The following RNF123 variants were observed in gnomAD, a reference collection of about 807,000 sequenced individuals.
The protein encoded by RNF123 is ring finger protein 123.
RNF123 carries 86 observed loss-of-function variants against 168.5 expected under a neutral mutation model. That is an observed-to-expected ratio of 0.51 (90% CI 0.43 to 0.61). The LOEUF is 0.61. Ranked by LOEUF, RNF123 falls within the 20% of genes least tolerant of loss-of-function variation. RNF123 has a pLI of 0.00. For missense variants in RNF123, 1,419 were observed against 1,729.7 expected (o/e 0.82, Z 3.19); for synonymous variants, 666 against 689.1 (o/e 0.97, Z 0.52).
In RNF123 at chr3:49,706,850, C is replaced by T. The variant is rs987819500; in HGVS notation, c.2448C>T (p.Asp816=). ...AGAAGGTTTTCTCAGAAAAGCTGGA[C>T]CACCTGAGCCGCCGTCTTGCCTGGG... ...KSQKVFSEKL[D]HLSRRLAWVH... Residue 816 remains aspartate (D), a synonymous_variant, in exon 26 of 39, where the codon GAC becomes GAT. Transcript: ENST00000327697. 2.5e-6 allele frequency: 4 copies of T among 1,614,184 alleles called. No individual in the cohort carries two copies. In the South Asian group the frequency reaches 4.4e-5, roughly 18 times the overall value.
Position 49,713,904 on chromosome 3 carries a change from TCA to T in RNF123, c.2838-3_2838-2del. 2 of 1,613,604 alleles carry T rather than the reference TCA, an allele frequency of 1.2e-6. No individual in the cohort carries two copies. The highest frequency in any genetic ancestry group is 1.7e-6 in the Non-Finnish European group (2 of 1,179,778). On this transcript the variant is annotated splice_region_variant and splice_polypyrimidine_tract_variant and intron_variant, in intron 29 of 38. Coordinates refer to ENST00000327697, the MANE Select transcript of RNF123 (RefSeq NM_022064.5). Reference sequence around the variant, plus strand: ...CACCCCGTCTCTCCCCTCCTTGCCCTCACAGGCGTATCGCCATGGTGAGGAAC... The same window carrying T: ...CACCCCGTCTCTCCCCTCCTTGCCCTCAGGCGTATCGCCATGGTGAGGAAC...
intron 27 of RNF123, chr3:49,713,241 G>A (rs554448794): frequency 3.4e-6 from 2 of 590,954 alleles, no homozygotes; most frequent in South Asian, 4.0e-5. Context: ...AAGGAGCTTT[G>A]ACTGCTCATC....
Position 49,697,427 on chromosome 3 carries a change from G to C in RNF123, c.312G>C (p.Gly104=), listed in dbSNP as rs145265101. Residue 104 remains glycine, a synonymous_variant, in exon 5 of 39, where the codon GGG becomes GGC. Coordinates refer to ENST00000327697, the MANE Select transcript of RNF123 (RefSeq NM_022064.5). ...TGGACCACACAGGCGGCTTTGAGGG[G>C]CTTCTCCTGGTGGATGATGACCTGC... The part of the protein sequence containing the change: ...VVLDHTGGFE[G]LLLVDDDLLG... The C allele has an allele frequency of 1.4e-3, 2,326 of 1,610,304 alleles. 2 individuals carry two copies. Among genetic ancestry groups the C allele is most frequent in the Non-Finnish European group, 1.7e-3 (2,024 of 1,177,980 alleles).
chr3:49,715,377 A>T, intron 31 of RNF123, 198 bp from the exon 32 acceptor site: 1 of 638,644 alleles, frequency 1.6e-6, no homozygotes, highest in Non-Finnish European at 2.7e-6. Context: ...GGGCTTGCCT[A>T]GTAGAAGGAG....
Position 49,721,458 on chromosome 3 carries a change from C to A in RNF123, c.*153C>A. 9.4e-7 allele frequency: 1 copy of A among 1,067,180 alleles called. No individual in the cohort carries two copies. The highest frequency in any genetic ancestry group is 1.5e-6 in the Non-Finnish European group (1 of 687,328). 66.1% of individuals were successfully genotyped at this position (1,067,180 alleles called of 1,614,324 possible). The stretch of plus-strand genomic sequence containing the variant: ...GTATCCTCATTGGTGGGAGCCCAGC[C>A]ATGGCCCTAATTGTGCCTGAGCTTG... On this transcript the variant is annotated 3_prime_UTR_variant, in exon 39 of 39. Transcript: ENST00000327697.
At chr3:49,716,033 G>A (rs765312452) in intron 33 of RNF123, 23 bp downstream of exon 33, 1 of 1,613,752 alleles carries the variant, frequency 6.2e-7, no homozygotes, top group Non-Finnish European at 8.5e-7. Context: ...GGGCAACAAG[G>A]GTGGGACCCT....
rs74956716 is a variant in RNF123 at position 49,698,374 on chromosome 3, G to T, written c.484-66G>T. The T allele has an allele frequency of 2.9e-3, 3,942 of 1,349,992 alleles. 70 individuals are homozygous for T. The African/African-American group carries it at 0.039, about 13-fold the overall frequency. The allele number at this position is 1,349,992 out of a possible 1,614,324, so 83.6% of individuals were successfully genotyped here. Reference sequence around the variant, plus strand: ...AGAGCCATATGCATCCAAGGCTGGTGATTGGTGGGCTCTGGCCCAGACCCT... The same window carrying T: ...AGAGCCATATGCATCCAAGGCTGGTTATTGGTGGGCTCTGGCCCAGACCCT... On this transcript the variant is annotated intron_variant, in intron 7 of 38. Coordinates refer to ENST00000327697, the MANE Select transcript of RNF123 (RefSeq NM_022064.5).
chr3:49,714,904 C>A (rs2080209908), intron 31 of RNF123, among the ~76,000 whole-genome samples: 1 of 152,260 alleles, frequency 6.6e-6, no homozygotes, highest in Admixed American at 6.5e-5. Flanking sequence ...TCTGCTAAGT[C>A]ACACAGCAAG....
chr3:49,718,129 C>T (rs2080286488), intron 35 of RNF123: 3 of 1,613,358 alleles, frequency 1.9e-6, no homozygotes, highest in Non-Finnish European at 2.5e-6. Flanking sequence ...GCTGGCCTTG[C>T]GGCTGGGTGC....
chr3:49,706,331 C>T (rs1425847597), intron 25 of RNF123, among the ~76,000 whole-genome samples: 1 of 152,242 alleles, frequency 6.6e-6, no homozygotes, highest in East Asian at 1.9e-4. Context: ...CTGAGTGCTT[C>T]CTCGGCCACT....
At chr3:49,692,579 C>A (rs1456396389) in intron 3 of RNF123, among the ~76,000 whole-genome samples, 1 of 152,164 alleles carries the variant, frequency 6.6e-6, no homozygotes, top group Non-Finnish European at 1.5e-5. Context: ...CTCATTAATT[C>A]AATTTTTTTG....
intron 12 of RNF123, 60 bp from the exon 13 acceptor site, chr3:49,700,167 C>T (rs953080746): frequency 2.5e-6 from 4 of 1,603,678 alleles, no homozygotes; most frequent in African/African-American, 1.3e-5. Context: ...TGTGCCAGGG[C>T]AGGGGTGCCT....
intron 35 of RNF123, chr3:49,718,689 G>T (rs574149365): frequency 6.2e-7 from 1 of 1,612,982 alleles, no homozygotes; most frequent in African/African-American, 1.3e-5. Flanking sequence ...AGCGCACGCG[G>T]GACGCGGGTA....
At chr3:49,694,661 CTG>C (rs1442887410) in intron 3 of RNF123, among the ~76,000 whole-genome samples, 3 of 152,226 alleles carry the variant, frequency 2.0e-5, no homozygotes, top group African/African-American at 7.2e-5. Context: ...CTTAGCTGTT[CTG>C]TCTTTTACGA....
rs948237704 is a variant in RNF123, at chr3:49,719,590, T to C, written c.3501-921T>C. On this transcript the variant is annotated intron_variant, in intron 35 of 38. Coordinates refer to ENST00000327697, the MANE Select transcript of RNF123 (RefSeq NM_022064.5). ...GCCCTTGCCGAGGAGGCACGGCGGG[T>C]TCTTGCCAGCCGACGGCCCCTACTC... 102 of 832,556 alleles carry C rather than the reference T, an allele frequency of 1.2e-4. 3 individuals are homozygous for C. Among genetic ancestry groups the C allele is most frequent in the Non-Finnish European group, 1.7e-4 (93 of 534,398 alleles). 51.6% of individuals were successfully genotyped at this position (832,556 alleles called of 1,614,324 possible).
intron 8 of RNF123, 24 bp from the exon 9 acceptor site, chr3:49,698,731 T>A: frequency 6.2e-7 from 1 of 1,610,654 alleles, no homozygotes; most frequent in Non-Finnish European, 8.5e-7. Context: ...TCTGTGCATC[T>A]GGTGAGGCCT....
chr3:49,698,664 T>A, intron 8 of RNF123, 91 bp from the exon 9 acceptor site: 1 of 1,547,168 alleles, frequency 6.5e-7, no homozygotes, highest in South Asian at 1.1e-5. Flanking sequence ...GTGGCTAGTC[T>A]CCCTTGGGTG....
intron 26 of RNF123, among the ~76,000 whole-genome samples, chr3:49,712,112 C>T (rs538464881): frequency 1.3e-5 from 2 of 152,134 alleles, no homozygotes; most frequent in South Asian, 4.2e-4. Flanking sequence ...GTAGTCCCAG[C>T]TACTCGGGAG....
At chr3:49,713,169 C>T (rs2080176191) in intron 27 of RNF123, 1 of 591,278 alleles carries the variant, frequency 1.7e-6, no homozygotes. Flanking sequence ...CCTAGCCTGC[C>T]CCCTGCCCAG....
Sources: allele counts gnomAD v4.1 joint callset (sites outside exome capture counted in the v4.1 genomes callset), GRCh38; gene constraint gnomAD v4.1.1; transcripts MANE v1.5; gene names NCBI Gene and HGNC (gene_info 2026-07-23, HGNC 2026-07-21).